Variants in STK33 observed in about 807,000 individuals in gnomAD.
STK33 encodes serine/threonine kinase 33.
Under a neutral mutation model 58.0 loss-of-function variants are expected in STK33, and 52 were observed. The ratio of observed to expected loss-of-function variants is 0.90; its 90% CI spans 0.72 to 1.13. The LOEUF (loss-of-function observed/expected upper bound fraction) is 1.13. Ranked by LOEUF, STK33 falls within the 50% of genes most tolerant of loss-of-function variation. The probability of loss-of-function intolerance (pLI) is 0.00; values close to 1 mark genes in which losing one functional copy is unlikely to be tolerated. For synonymous variants in STK33, 215 were observed against 200.1 expected (o/e 1.07, Z -0.63); for missense variants, 630 against 604.2 (o/e 1.04, Z -0.45).
At chr11:8,408,981 T>A (rs778042024) in intron 15 of STK33, among the ~76,000 whole-genome samples, 10 of 152,142 alleles carry the variant, frequency 6.6e-5, no homozygotes, top group African/African-American at 9.7e-5. Flanking sequence ...TCTACCAAAA[T>A]CCCAGACTCC....
chr11:8,575,110 T>C (rs532489060), intron 1 of STK33, among the ~76,000 whole-genome samples: 97 of 152,280 alleles, frequency 6.4e-4, no homozygotes, highest in African/African-American at 2.2e-3. Flanking sequence ...CAAGTGTTGG[T>C]GAGGATGTGG....
intron 15 of STK33, among the ~76,000 whole-genome samples, chr11:8,410,290 A>G (rs545647616): frequency 2.0e-5 from 3 of 152,258 alleles, no homozygotes; most frequent in African/African-American, 2.4e-5. Context: ...TTACGAACAC[A>G]TACCATTTAT....
chr11:8,510,189 T>C (rs1325888503), intron 1 of STK33, among the ~76,000 whole-genome samples: 1 of 152,174 alleles, frequency 6.6e-6, no homozygotes, highest in Non-Finnish European at 1.5e-5. Context: ...TTTTTAATTA[T>C]GGGCATTCTT....
In STK33 at chr11:8,436,749, A is replaced by G. The variant is rs534843971; in HGVS notation, c.948-610T>C. On this transcript the variant is annotated intron_variant, in intron 12 of 15. Transcript: ENST00000687296. ...GTCTCACTCTGTCTCCCAGGCTGGA[A>G]TGCAGTGGTGCAATCTCGGCTCACT... Among the ~76,000 whole-genome samples the G allele has an allele frequency of 1.1e-3, 169 of 152,204 alleles. 1 individual carries two copies. The highest frequency in any genetic ancestry group is 2.0e-3 in the Non-Finnish European group (137 of 67,996).
intron 1 of STK33, among the ~76,000 whole-genome samples, chr11:8,514,184 A>G (rs1164295497): frequency 6.6e-6 from 1 of 152,204 alleles, no homozygotes; most frequent in Admixed American, 6.6e-5. Context: ...ACTCCATTGT[A>G]TATATGTGTC....
chr11:8,487,927 C>T (rs1420811752), intron 1 of STK33, among the ~76,000 whole-genome samples: 2 of 152,212 alleles, frequency 1.3e-5, no homozygotes, highest in Non-Finnish European at 2.9e-5. Flanking sequence ...GAACAACAAG[C>T]TTCGTGGCAT....
intron 1 of STK33, among the ~76,000 whole-genome samples, chr11:8,559,752 GAAAATA>G (rs1956998823): frequency 6.6e-6 from 1 of 152,084 alleles, no homozygotes; most frequent in African/African-American, 2.4e-5. Flanking sequence ...GGTATAAAAT[GAAAATA>G]AGAGTCCAGA....
In STK33 at chr11:8,457,409, A is replaced by G; in HGVS notation, c.629T>C (p.Phe210Ser). 6.2e-7 allele frequency: 1 copy of G among 1,608,998 alleles called. No homozygotes were observed. Among genetic ancestry groups the G allele is most frequent in the Non-Finnish European group, 8.5e-7 (1 of 1,176,560 alleles). Residue 210 changes from phenylalanine (F) to serine (S), a missense_variant, in exon 9 of 16, where the codon TTC (phenylalanine) becomes TCC (serine). Phe to Ser is a radical substitution (Grantham distance 155). Coordinates refer to ENST00000687296, the MANE Select transcript of STK33 (RefSeq NM_001352389.2). Reference protein sequence around the residue: ...LKEILDRKGHFSENETRWIIQ... With the variant: ...LKEILDRKGHSSENETRWIIQ... ...GATCCACCTTGTCTCATTCTCTGAG[A>G]AATGCCCTTTCCTATCCAGAATTTC...
intron 6 of STK33, among the ~76,000 whole-genome samples, chr11:8,472,460 T>C (rs1948866092): frequency 6.6e-6 from 1 of 152,168 alleles, no homozygotes; most frequent in African/African-American, 2.4e-5. Context: ...TTTTTGTGTA[T>C]CAGGGACTAG....
chr11:8,424,608 G>A (rs148355244), intron 14 of STK33, among the ~76,000 whole-genome samples: 84,932 of 148,780 alleles, frequency 0.57, 24,867 homozygotes, highest in South Asian at 0.7. Context: ...CCCACCAACA[G>A]TGTAAAAGTG....
At chr11:8,477,897 T>C (rs1380786290) in intron 2 of STK33, among the ~76,000 whole-genome samples, 1 of 152,208 alleles carries the variant, frequency 6.6e-6, no homozygotes, top group African/African-American at 2.4e-5. Flanking sequence ...AGTTTCATTT[T>C]TGCTCTCCAG....
At chr11:8,479,672 G>T (rs1012698969) in intron 2 of STK33, among the ~76,000 whole-genome samples, 1 of 151,770 alleles carries the variant, frequency 6.6e-6, no homozygotes, top group Non-Finnish European at 1.5e-5. Flanking sequence ...GTGAAACCCC[G>T]TCTCTACAAA....
At chr11:8,436,881 A>G (rs1464031832) in intron 12 of STK33, among the ~76,000 whole-genome samples, 1 of 152,150 alleles carries the variant, frequency 6.6e-6, no homozygotes, top group African/African-American at 2.4e-5. Context: ...TATTTTTAGT[A>G]CAGACAGGGT....
intron 1 of STK33, among the ~76,000 whole-genome samples, chr11:8,503,592 C>A (rs1951671007): frequency 6.6e-6 from 1 of 152,154 alleles, no homozygotes; most frequent in Admixed American, 6.5e-5. Context: ...ATGTAACAAA[C>A]CTGCACATGG....
chr11:8,407,004 T>C (rs1208589196), intron 15 of STK33, among the ~76,000 whole-genome samples: 1 of 151,852 alleles, frequency 6.6e-6, no homozygotes, highest in Non-Finnish European at 1.5e-5. Context: ...AAATCTCTTA[T>C]TATGTAAAAG....
chr11:8,576,590 G>T (rs924229088), intron 1 of STK33, among the ~76,000 whole-genome samples: 1 of 152,028 alleles, frequency 6.6e-6, no homozygotes, highest in Non-Finnish European at 1.5e-5. Context: ...AATAATAATA[G>T]CTAACATTTA....
chr11:8,356,860 A>G, the STK33 span, among the ~76,000 whole-genome samples: 2 of 152,192 alleles, frequency 1.3e-5, no homozygotes, highest in Admixed American at 6.5e-5. Context: ...AGCACTCCGC[A>G]TGACCCCCAA....
intron 12 of STK33, among the ~76,000 whole-genome samples, chr11:8,436,584 A>C (rs1944093845): frequency 6.6e-6 from 1 of 152,260 alleles, no homozygotes; most frequent in Admixed American, 6.5e-5. Flanking sequence ...ACAATGAGTT[A>C]TCAGGGTCTA....
rs1301792867 is a variant in STK33 at position 8,431,297 on chromosome 11, A to C, written c.1146+4197T>G. ...AAGAGTTAACATATTTAGGATGAAA[A>C]TATACAGAAGGAGAAAATAACAGCC... On this transcript the variant is annotated intron_variant, in intron 14 of 15. Transcript: ENST00000687296. Among the ~76,000 whole-genome samples the C allele has an allele frequency of 4.6e-5, 7 of 152,330 alleles. No individual in the cohort carries two copies. The South Asian group carries it at 1.0e-3, about 23-fold the overall frequency.
Sources: gnomAD v4.1 joint callset for allele counts (sites outside exome capture counted in the v4.1 genomes callset) on GRCh38, gnomAD v4.1.1 for gene constraint, MANE v1.5 for transcripts, NCBI Gene and HGNC (gene_info 2026-07-23, HGNC 2026-07-21) for gene names.